The following FGF14 variants were observed in gnomAD, a reference collection of about 807,000 sequenced individuals.
FGF14 encodes fibroblast growth factor homologous factor 4.
Under a neutral mutation model 25.5 loss-of-function variants are expected in FGF14, and 5 were observed. The ratio of observed to expected loss-of-function variants is 0.20; its 90% CI spans 0.10 to 0.41. The LOEUF is 0.41. Ranked by LOEUF, FGF14 falls within the 10% of genes least tolerant of loss-of-function variation. The pLI, the probability that FGF14 is intolerant of heterozygous loss-of-function variation, is 1.00. For synonymous variants in FGF14, 138 were observed against 118.3 expected (o/e 1.17, Z -1.08); for missense variants, 222 against 320.1 (o/e 0.69, Z 2.34).
intron 3 of FGF14, among the ~76,000 whole-genome samples, chr13:101,743,618 G>C (rs1461886117): frequency 6.6e-6 from 1 of 152,064 alleles, no homozygotes; most frequent in Non-Finnish European, 1.5e-5. Flanking sequence ...TTTTTCTCTT[G>C]CCTTCACACT....
intron 1 of FGF14, among the ~76,000 whole-genome samples, chr13:102,251,570 A>T (rs2141071888): frequency 6.6e-6 from 1 of 152,304 alleles, no homozygotes; most frequent in South Asian, 2.1e-4. Context: ...GACAAAAACA[A>T]GGGGCGAGGA....
chr13:102,325,078 A>C (rs903942231), intron 1 of FGF14, among the ~76,000 whole-genome samples: 13 of 152,166 alleles, frequency 8.5e-5, no homozygotes, highest in African/African-American at 3.1e-4. Flanking sequence ...CAATCATAGC[A>C]CATCAAAGAG....
Position 101,722,323 on chromosome 13 carries a change from C to G in FGF14, c.*508G>C, listed in dbSNP as rs1241646624. 5.7e-6 allele frequency: 1 copy of G among 175,336 alleles called. No individual in the cohort carries two copies. The highest frequency in any genetic ancestry group is 2.4e-5 in the African/African-American group (1 of 41,726). 10.9% of individuals were successfully genotyped at this position (175,336 alleles called of 1,614,324 possible). On this transcript the variant is annotated 3_prime_UTR_variant, in exon 5 of 5. Transcript: ENST00000376143. The stretch of plus-strand genomic sequence containing the variant: ...TTTAAGATTTAGAGGAACAAAATCC[C>G]TGCAAAAGGTCACAGACAGTGGAGC...
chr13:102,084,587 C>T lies in FGF14; in HGVS notation c.209-209291G>A, dbSNP rs191785276. ...TCAGGACAGAGCACACAATTAAGGT[C>T]GGTTCTGGCATGGAGAAATAAATAC... is the stretch of plus-strand genomic sequence containing the variant. On this transcript the variant is annotated intron_variant, in intron 1 of 4. Coordinates refer to the FGF14 transcript ENST00000376131. 6.5e-3 allele frequency among the ~76,000 whole-genome samples: 994 copies of T among 152,192 alleles called. 8 individuals carry two copies. Among genetic ancestry groups the T allele is most frequent in the Admixed American group, 7.9e-3 (121 of 15,274 alleles).
intron 1 of FGF14, among the ~76,000 whole-genome samples, chr13:102,372,916 A>G (rs1020912649): frequency 6.6e-6 from 1 of 152,194 alleles, no homozygotes; most frequent in Non-Finnish European, 1.5e-5. Context: ...CATTCTTTCT[A>G]CTGTAAAAAT....
chr13:102,080,270 T>C (rs2043556885), intron 1 of FGF14, among the ~76,000 whole-genome samples: 1 of 152,182 alleles, frequency 6.6e-6, no homozygotes, highest in African/African-American at 2.4e-5. Context: ...GCTGGAGTTA[T>C]GCAGTGGAGG....
chr13:101,875,409 T>C (rs1008117876), intron 1 of FGF14, 113 bp from the exon 2 acceptor site: 1 of 746,000 alleles, frequency 1.3e-6, no homozygotes, highest in Non-Finnish European at 2.4e-6. Flanking sequence ...AAGTAGCATA[T>C]TTTATTTTGT....
At chr13:101,949,084 G>A (rs1043827878) in intron 1 of FGF14, among the ~76,000 whole-genome samples, 2 of 152,122 alleles carry the variant, frequency 1.3e-5, no homozygotes, top group Non-Finnish European at 2.9e-5. Flanking sequence ...TGAACTACAA[G>A]ATAATGGCAC....
intron 3 of FGF14, among the ~76,000 whole-genome samples, chr13:101,807,151 A>C (rs2041248341): frequency 6.6e-6 from 1 of 152,176 alleles, no homozygotes; most frequent in Non-Finnish European, 1.5e-5. Context: ...TCCAGACAGC[A>C]CATCACTCTT....
chr13:102,353,482 C>T (rs1412450819), intron 1 of FGF14, among the ~76,000 whole-genome samples: 1 of 152,174 alleles, frequency 6.6e-6, no homozygotes, highest in Non-Finnish European at 1.5e-5. Context: ...AAAAGCTTTA[C>T]CACAATGTCC....
chr13:102,161,588 A>T (rs1443555881), intron 1 of FGF14, among the ~76,000 whole-genome samples: 1 of 2,284 alleles, frequency 4.4e-4, no homozygotes, highest in Non-Finnish European at 6.4e-4. Context: ...AAGAAGAAGA[A>T]GAAGAAGAAG....
At chr13:101,929,973 G>T (rs923922049) in intron 1 of FGF14, among the ~76,000 whole-genome samples, 13 of 152,218 alleles carry the variant, frequency 8.5e-5, no homozygotes, top group African/African-American at 3.1e-4. Context: ...AAAGGAAAAA[G>T]TCTGTAGCTG....
Position 101,912,945 on chromosome 13 carries a change from A to G in FGF14, c.193+3508T>C, listed in dbSNP as rs373806494. 5.3e-5 allele frequency among the ~76,000 whole-genome samples: 8 copies of G among 152,140 alleles called. No homozygotes were observed. The East Asian group carries it at 1.5e-3, about 29-fold the overall frequency. ...GAGAGCCTATGAAGATGCAGAAAAC[A>G]CAGACTTTGCTTCTTCCCTACAATC... On this transcript the variant is annotated intron_variant, in intron 1 of 4. Coordinates refer to ENST00000376143, the MANE Select transcript of FGF14 (RefSeq NM_004115.4).
At chr13:102,229,552 G>A (rs2050983978) in intron 1 of FGF14, among the ~76,000 whole-genome samples, 1 of 152,112 alleles carries the variant, frequency 6.6e-6, no homozygotes, top group Non-Finnish European at 1.5e-5. Flanking sequence ...GATTTTCATG[G>A]CAGACAACTG....
rs546863929 is a variant in FGF14 at position 102,304,237 on chromosome 13, G to A, written c.208+97234C>T. On this transcript the variant is annotated intron_variant, in intron 1 of 4. Transcript: ENST00000376131. ...GTCCTGTCTTCCTACTGAACCCCAC[G>A]AACTTCTTGCTTAAAGGAAGCAGCT... is the stretch of plus-strand genomic sequence containing the variant. Among the ~76,000 whole-genome samples the A allele has an allele frequency of 5.7e-4, 86 of 151,988 alleles. 1 individual carries two copies. In the South Asian group the frequency reaches 7.3e-3, roughly 13 times the overall value.
At chr13:102,350,864 A>G (rs921530387) in intron 1 of FGF14, among the ~76,000 whole-genome samples, 1 of 152,202 alleles carries the variant, frequency 6.6e-6, no homozygotes, top group Non-Finnish European at 1.5e-5. Context: ...AGCTTTCTAC[A>G]TAAGCGTGGT....
chr13:101,840,829 A>C lies in FGF14; in HGVS notation c.408+27896T>G, dbSNP rs12583200. 4.7e-4 allele frequency among the ~76,000 whole-genome samples: 71 copies of C among 152,120 alleles called. 1 individual carries two copies. The highest frequency in any genetic ancestry group is 1.7e-3 in the African/African-American group (70 of 41,564). ...GAGAAAATCAAGAATATGTGTTTTTACAATGGATAATAAATAGTCTAACTG... is the reference window on the plus strand; with the variant it reads ...GAGAAAATCAAGAATATGTGTTTTTCCAATGGATAATAAATAGTCTAACTG... On this transcript the variant is annotated intron_variant, in intron 3 of 4. Coordinates refer to ENST00000376143, the MANE Select transcript of FGF14 (RefSeq NM_004115.4).
chr13:101,875,416 T>C (rs2045340202), intron 1 of FGF14, 120 bp from the exon 2 acceptor site: 1 of 731,344 alleles, frequency 1.4e-6, no homozygotes. Flanking sequence ...ATATTTTATT[T>C]TGTCTCTCAG....
At chr13:102,202,317 G>A (rs548771289) in intron 1 of FGF14, among the ~76,000 whole-genome samples, 1 of 152,340 alleles carries the variant, frequency 6.6e-6, no homozygotes, top group East Asian at 1.9e-4. Flanking sequence ...TTAGTGCCAA[G>A]GGCCTATAAG....
Sources: gnomAD v4.1 joint callset for allele counts (sites outside exome capture counted in the v4.1 genomes callset) on GRCh38, gnomAD v4.1.1 for gene constraint, MANE v1.5 for transcripts, NCBI Gene and HGNC (gene_info 2026-07-23, HGNC 2026-07-21) for gene names.